Variants in RPH3AL observed in about 807,000 individuals in gnomAD.
The protein encoded by RPH3AL is rab effector Noc2.
A neutral mutation model predicts 43.1 loss-of-function variants in RPH3AL; 38 were observed. The ratio of observed to expected loss-of-function variants is 0.88; its 90% CI spans 0.68 to 1.15. RPH3AL has a LOEUF of 1.15. Among genes scored for constraint, RPH3AL ranks in the 50% most tolerant of loss-of-function variants. The probability of loss-of-function intolerance (pLI) is 0.00; values close to 1 mark genes in which losing one functional copy is unlikely to be tolerated. For missense variants in RPH3AL, 462 were observed against 423.2 expected (o/e 1.09, Z -0.81); for synonymous variants, 189 against 176.3 (o/e 1.07, Z -0.57).
intron 7 of RPH3AL, among the ~76,000 whole-genome samples, chr17:226,145 C>CA (rs1242335198): frequency 2.6e-5 from 4 of 152,288 alleles, no homozygotes; most frequent in African/African-American, 7.2e-5. Context: ...CAAGGATTCA[C>CA]AAAAAACAGG....
At chr17:266,525 A>G (rs912054792) in intron 6 of RPH3AL, among the ~76,000 whole-genome samples, 1 of 152,334 alleles carries the variant, frequency 6.6e-6, no homozygotes, top group East Asian at 1.9e-4. Context: ...CAGGAAAGAT[A>G]GAGCACCTGC....
chr17:255,968 T>C (rs1435113248), intron 6 of RPH3AL, among the ~76,000 whole-genome samples: 2 of 49,446 alleles, frequency 4.0e-5, no homozygotes, highest in African/African-American at 7.0e-5. Context: ...CTACCCTACG[T>C]ACTTCCTATG....
intron 5 of RPH3AL, among the ~76,000 whole-genome samples, chr17:305,380 G>GC (rs2043459479): frequency 1.3e-5 from 2 of 152,034 alleles, no homozygotes; most frequent in East Asian, 3.9e-4. Flanking sequence ...GTGGGGTGGT[G>GC]CCTGCCTGGC....
At chr17:334,560 T>C (rs530878286) in intron 1 of RPH3AL, among the ~76,000 whole-genome samples, 76 of 130,870 alleles carry the variant, frequency 5.8e-4, no homozygotes, top group African/African-American at 2.2e-3. Flanking sequence ...CCCCACGCCT[T>C]CCCCCAGGGC....
intron 6 of RPH3AL, among the ~76,000 whole-genome samples, chr17:271,079 T>C (rs1262193263): frequency 6.6e-6 from 1 of 152,226 alleles, no homozygotes; most frequent in Non-Finnish European, 1.5e-5. Context: ...AAAGATCAGA[T>C]GGTTGTAGAT....
At chr17:216,626 C>T (rs1438325581) in intron 8 of RPH3AL, among the ~76,000 whole-genome samples, 1 of 152,036 alleles carries the variant, frequency 6.6e-6, no homozygotes. Context: ...ATAAAGCCTG[C>T]CCTGGAAACC....
At chr17:240,046 T>A (rs541967383) in intron 7 of RPH3AL, among the ~76,000 whole-genome samples, 61 of 152,226 alleles carry the variant, frequency 4.0e-4, no homozygotes, top group African/African-American at 1.4e-3. Flanking sequence ...AAGACCATCC[T>A]GACCAACATG....
At chr17:298,459 G>A (rs552764254) in intron 5 of RPH3AL, among the ~76,000 whole-genome samples, 242 of 152,248 alleles carry the variant, frequency 1.6e-3, no homozygotes, top group African/African-American at 5.6e-3. Flanking sequence ...CATTTTGGGA[G>A]GCTGAAGTGG....
chr17:315,449 C>T (rs878918286), intron 5 of RPH3AL, among the ~76,000 whole-genome samples: 10 of 36,206 alleles, frequency 2.8e-4, no homozygotes, highest in African/African-American at 7.4e-4. Flanking sequence ...TGCCTCACCT[C>T]CATTGACCTG....
intron 7 of RPH3AL, among the ~76,000 whole-genome samples, chr17:244,767 G>T (rs1485446749): frequency 6.6e-6 from 1 of 152,198 alleles, no homozygotes; most frequent in Non-Finnish European, 1.5e-5. Flanking sequence ...TAATTAAAAG[G>T]CCAAGTCTGC....
In RPH3AL at chr17:281,772, C is replaced by T. The variant is rs766579818; in HGVS notation, c.434G>A (p.Arg145Lys). 1.2e-6 allele frequency: 2 copies of T among 1,613,362 alleles called. No individual in the cohort carries two copies. The highest frequency in any genetic ancestry group is 1.7e-6 in the Non-Finnish European group (2 of 1,179,640). The change falls in exon 6 of 10, where the codon AGA becomes AAA. Residue 145 changes from arginine (R) to lysine (K), a missense_variant. Arg to Lys is a conservative substitution (Grantham distance 26, BLOSUM62 2). Coordinates refer to ENST00000331302, the MANE Select transcript of RPH3AL (RefSeq NM_006987.4). Reference protein sequence around the residue: ...LWLCKICSEQREVWKRSGAWF... With the variant: ...LWLCKICSEQKEVWKRSGAWF... The stretch of plus-strand genomic sequence containing the variant: ...CCGTCACCCTGGACGCCCTACCTCT[C>T]TTTGCTCACTGCAGATCTTACACAG...
chr17:303,198 C>G (rs904911369), intron 5 of RPH3AL, among the ~76,000 whole-genome samples: 31 of 152,062 alleles, frequency 2.0e-4, no homozygotes, highest in Non-Finnish European at 3.7e-4. Context: ...TCTGAGGCAG[C>G]CTGGGCAACA....
At chr17:232,531 T>C (rs141345728) in intron 7 of RPH3AL, among the ~76,000 whole-genome samples, 1 of 152,282 alleles carries the variant, frequency 6.6e-6, no homozygotes, top group East Asian at 1.9e-4. Flanking sequence ...CGACTATCAG[T>C]GTCTCTCCCA....
chr17:294,052 C>T (rs2043111165), intron 5 of RPH3AL, among the ~76,000 whole-genome samples: 1 of 151,518 alleles, frequency 6.6e-6, no homozygotes, highest in Non-Finnish European at 1.5e-5. Context: ...AAAATAAAAC[C>T]CAGCAAATCT....
At chr17:219,811 G>T in intron 7 of RPH3AL, 75 bp from the exon 8 acceptor site, 1 of 1,098,474 alleles carries the variant, frequency 9.1e-7, no homozygotes, top group Non-Finnish European at 1.4e-6. Context: ...AGGGACGAGG[G>T]CAGGCCTCCC....
At chr17:345,083 A>G (rs1217301097) in intron 1 of RPH3AL, among the ~76,000 whole-genome samples, 2 of 134,778 alleles carry the variant, frequency 1.5e-5, no homozygotes, top group Non-Finnish European at 3.4e-5. Context: ...AGCCTGGGCA[A>G]CATGGTGAAA....
chr17:247,083 T>C (rs2151544931), intron 7 of RPH3AL, 28 bp downstream of exon 7: 6 of 1,613,612 alleles, frequency 3.7e-6, no homozygotes, highest in Non-Finnish European at 5.1e-6. Flanking sequence ...TTACAGGCCA[T>C]CCTGGGAGAG....
chr17:302,839 T>C (rs1175764644), intron 5 of RPH3AL, among the ~76,000 whole-genome samples: 1 of 152,048 alleles, frequency 6.6e-6, no homozygotes, highest in African/African-American at 2.4e-5. Flanking sequence ...AAAAAAGGAG[T>C]GTACATAGGC....
chr17:244,008 C>CCCTTCCTCTATTGATTA (rs1555538505), intron 7 of RPH3AL, among the ~76,000 whole-genome samples: 1 of 148,302 alleles, frequency 6.7e-6, no homozygotes, highest in Non-Finnish European at 1.5e-5. Context: ...CTATTGATTA[C>CCCTTCCTCTATTGATTA]CCTTCCTCTA....
Sources: gnomAD v4.1 joint callset for allele counts (sites outside exome capture counted in the v4.1 genomes callset) on GRCh38, gnomAD v4.1.1 for gene constraint, MANE v1.5 for transcripts, NCBI Gene and HGNC (gene_info 2026-07-23, HGNC 2026-07-21) for gene names.